HS6ST3: variants seen among roughly 807,000 people sequenced by gnomAD.
HS6ST3 encodes heparan-sulfate 6-O-sulfotransferase 3.
HS6ST3 carries 12 observed loss-of-function variants against 36.7 expected under a neutral mutation model. The observed-to-expected ratio is 0.33, with a 90% CI of 0.21 to 0.53. The LOEUF (loss-of-function observed/expected upper bound fraction) is 0.53. Among genes scored for constraint, HS6ST3 ranks in the 20% least tolerant of loss-of-function variants. The pLI is 0.95. For missense variants in HS6ST3, 584 were observed against 640.9 expected (o/e 0.91, Z 0.96); for synonymous variants, 240 against 257.5 (o/e 0.93, Z 0.65).
chr13:96,546,344 G>A (rs948897219), intron 1 of HS6ST3, among the ~76,000 whole-genome samples: 3 of 152,088 alleles, frequency 2.0e-5, no homozygotes, highest in African/African-American at 7.2e-5. Context: ...ACACTTGTGT[G>A]TGAAACATAA....
chr13:96,747,081 C>T (rs1876581099), intron 1 of HS6ST3, among the ~76,000 whole-genome samples: 1 of 152,066 alleles, frequency 6.6e-6, no homozygotes, highest in African/African-American at 2.4e-5. Context: ...GAAAGTCTCC[C>T]AGATATTCCA....
chr13:96,459,749 C>T (rs1272502064), intron 1 of HS6ST3, among the ~76,000 whole-genome samples: 4 of 152,130 alleles, frequency 2.6e-5, no homozygotes, highest in African/African-American at 9.7e-5. Context: ...AGAATGATGT[C>T]CTCTAAGTTG....
intron 1 of HS6ST3, among the ~76,000 whole-genome samples, chr13:96,223,989 C>T (rs929912925): frequency 1.3e-5 from 2 of 151,868 alleles, no homozygotes; most frequent in African/African-American, 4.8e-5. Flanking sequence ...TCTTCCTTTC[C>T]CTCCCTTCCC....
chr13:96,375,949 A>G (rs982674925), intron 1 of HS6ST3, among the ~76,000 whole-genome samples: 6 of 152,192 alleles, frequency 3.9e-5, no homozygotes, highest in Non-Finnish European at 8.8e-5. Context: ...GGATTTATTT[A>G]CATTTTTGTC....
chr13:96,217,337 T>A (rs1188456631), intron 1 of HS6ST3, among the ~76,000 whole-genome samples: 1 of 152,184 alleles, frequency 6.6e-6, no homozygotes, highest in Admixed American at 6.5e-5. Flanking sequence ...TCTTAGAGAT[T>A]TAAAATACTG....
intron 1 of HS6ST3, among the ~76,000 whole-genome samples, chr13:96,399,801 A>G (rs1231683592): frequency 6.6e-6 from 1 of 152,246 alleles, no homozygotes; most frequent in African/African-American, 2.4e-5. Context: ...CATAAGTTTA[A>G]TAAGTTTATT....
At chr13:96,313,870 G>T (rs2054954448) in intron 1 of HS6ST3, among the ~76,000 whole-genome samples, 2 of 152,136 alleles carry the variant, frequency 1.3e-5, no homozygotes, top group South Asian at 4.1e-4. Flanking sequence ...AGACGAGATT[G>T]ACTTGATTGA....
intron 1 of HS6ST3, among the ~76,000 whole-genome samples, chr13:96,344,271 T>G (rs1365402906): frequency 1.3e-5 from 2 of 152,176 alleles, no homozygotes; most frequent in African/African-American, 4.8e-5. Context: ...CAATAATCAA[T>G]ACAATCCTTT....
chr13:96,671,801 G>A (rs773147245), intron 1 of HS6ST3, among the ~76,000 whole-genome samples: 16 of 152,022 alleles, frequency 1.1e-4, no homozygotes, highest in Non-Finnish European at 1.9e-4. Context: ...CTCCAAATAA[G>A]GTCACATTCT....
At chr13:96,679,147 A>G (rs780670546) in intron 1 of HS6ST3, among the ~76,000 whole-genome samples, 2 of 149,314 alleles carry the variant, frequency 1.3e-5, no homozygotes, top group South Asian at 2.2e-4. Flanking sequence ...AAATTCTGCT[A>G]TGCTTCTTAT....
chr13:96,604,724 C>A (rs1232887792), intron 1 of HS6ST3, among the ~76,000 whole-genome samples: 2 of 152,144 alleles, frequency 1.3e-5, no homozygotes, highest in Non-Finnish European at 1.5e-5. Context: ...TGTGTACATG[C>A]ACATGCACAT....
intron 1 of HS6ST3, among the ~76,000 whole-genome samples, chr13:96,693,725 T>G (rs572847218): frequency 1.1e-4 from 16 of 152,310 alleles, no homozygotes; most frequent in African/African-American, 3.6e-4. Context: ...GCAGAGTCGG[T>G]GTGACACCAT....
intron 1 of HS6ST3, among the ~76,000 whole-genome samples, chr13:96,179,240 C>G (rs926830051): frequency 5.3e-5 from 8 of 152,074 alleles, no homozygotes; most frequent in Non-Finnish European, 8.8e-5. Flanking sequence ...CAGATGGGAC[C>G]CCATTTAATA....
chr13:96,287,358 A>G (rs1257421692), intron 1 of HS6ST3, among the ~76,000 whole-genome samples: 1 of 152,146 alleles, frequency 6.6e-6, no homozygotes, highest in African/African-American at 2.4e-5. Context: ...AAATATTTTA[A>G]TATTTGGCAA....
chr13:96,276,797 G>A (rs1389245355), intron 1 of HS6ST3, among the ~76,000 whole-genome samples: 1 of 152,110 alleles, frequency 6.6e-6, no homozygotes, highest in African/African-American at 2.4e-5. Flanking sequence ...ATAGAGATGG[G>A]TCCATGCCCA....
chr13:96,458,538 G>T (rs2055765361), intron 1 of HS6ST3, among the ~76,000 whole-genome samples: 2 of 151,604 alleles, frequency 1.3e-5, no homozygotes, highest in African/African-American at 4.9e-5. Context: ...CATAGTCAAG[G>T]TGCTCTGATT....
intron 1 of HS6ST3, among the ~76,000 whole-genome samples, chr13:96,519,321 GCTAT>G (rs2056084524): frequency 6.6e-6 from 1 of 152,182 alleles, no homozygotes; most frequent in Non-Finnish European, 1.5e-5. Flanking sequence ...CTAGAGAAGA[GCTAT>G]GGCTTCACTC....
chr13:96,220,412 C>G (rs2054449563), intron 1 of HS6ST3, among the ~76,000 whole-genome samples: 1 of 151,972 alleles, frequency 6.6e-6, no homozygotes, highest in East Asian at 1.9e-4. Context: ...CTTTTTTTCT[C>G]TAAGGGTGTG....
At chr13:96,582,553 G>A (rs76349256) in intron 1 of HS6ST3, among the ~76,000 whole-genome samples, 1,915 of 152,258 alleles carry the variant, frequency 0.013, 16 homozygotes, top group Admixed American at 0.02. Flanking sequence ...TCTTAAATAT[G>A]TTCCAGTTTT....
Sources: allele counts gnomAD v4.1 joint callset (sites outside exome capture counted in the v4.1 genomes callset), GRCh38; gene constraint gnomAD v4.1.1; transcripts MANE v1.5; gene names NCBI Gene and HGNC (gene_info 2026-07-23, HGNC 2026-07-21).